SMARCC1: variants seen among roughly 807,000 people sequenced by gnomAD.
SMARCC1 encodes SWI/SNF related BAF chromatin remodeling complex subunit C1, also known as SWI/SNF complex subunit SMARCC1.
A neutral mutation model predicts 147.4 loss-of-function variants in SMARCC1; 43 were observed. The observed-to-expected ratio is 0.29, with a 90% CI of 0.23 to 0.38. SMARCC1 has a LOEUF of 0.38. SMARCC1 is among the 10% of genes least tolerant of loss of function. SMARCC1 has a pLI of 1.00. For missense variants in SMARCC1, 1,119 were observed against 1,381.1 expected (o/e 0.81, Z 3.01); for synonymous variants, 495 against 484.4 (o/e 1.02, Z -0.29).
intron 14 of SMARCC1, among the ~76,000 whole-genome samples, chr3:47,685,556 T>TAAA (rs34711590): frequency 1.4e-5 from 2 of 139,418 alleles, no homozygotes; most frequent in Non-Finnish European, 3.1e-5. Flanking sequence ...TGTTTTTCTT[T>TAAA]AAAAAAAAAA....
At chr3:47,676,260 A>G (rs1399496131) in intron 17 of SMARCC1, among the ~76,000 whole-genome samples, 2 of 152,202 alleles carry the variant, frequency 1.3e-5, no homozygotes, top group Admixed American at 6.5e-5. Context: ...AGTTATAAAG[A>G]TTTCTTTGCT....
chr3:47,661,155 T>G, intron 21 of SMARCC1, 139 bp downstream of exon 21: 1 of 615,622 alleles, frequency 1.6e-6, no homozygotes, highest in Non-Finnish European at 2.6e-6. Context: ...AGAAAAAAAA[T>G]CATGTACTAA....
intron 16 of SMARCC1, among the ~76,000 whole-genome samples, chr3:47,677,544 ATATTT>A (rs772348104): frequency 6.6e-6 from 1 of 151,078 alleles, no homozygotes; most frequent in East Asian, 1.9e-4. Context: ...GCTAAATTAA[ATATTT>A]TATTTTGTGT....
At position 47,720,690 on chromosome 3, in the gene SMARCC1, A is replaced by G. The variant is rs1159528071; in HGVS notation, c.692T>C (p.Val231Ala). 6.2e-7 allele frequency: 1 copy of G among 1,612,818 alleles called. No individual in the cohort carries two copies. The highest frequency in any genetic ancestry group is 8.5e-7 in the Non-Finnish European group (1 of 1,178,906). Residue 231 changes from valine to alanine, a missense_variant, in exon 7 of 28, where the codon GTG (valine) becomes GCG (alanine). Physicochemically the swap from Val to Ala is moderately conservative, Grantham distance 64 (BLOSUM62 0). Around this residue, in one of 6 missense-constraint regions of SMARCC1, gnomAD observed 542 missense variants for 611.8 expected, o/e 0.89. Coordinates refer to ENST00000254480, the MANE Select transcript of SMARCC1 (RefSeq NM_003074.4). Reference protein sequence around the residue: ...PVMRKEKQVLVHWGFYPDSYD... With the variant: ...PVMRKEKQVLAHWGFYPDSYD... ...CCTGTCTGGGTAAAAGCCCCAATGC[A>G]CTAACACTTGCTTCTCTTTTCTCAT...
chr3:47,769,874 C>T lies in SMARCC1; in HGVS notation c.315+2943G>A, dbSNP rs548267691. On this transcript the variant is annotated intron_variant, in intron 2 of 27. Coordinates refer to ENST00000254480, the MANE Select transcript of SMARCC1 (RefSeq NM_003074.4). ...AAGGAAAAACAGAAAAATGGATCTG[C>T]CATTTCCCACACTAACTACCAGGGC... Among the ~76,000 whole-genome samples, 12 of 152,284 alleles carry T rather than the reference C, an allele frequency of 7.9e-5. No homozygotes were observed. In the South Asian group the frequency reaches 2.5e-3, roughly 32 times the overall value.
chr3:47,714,376 A>C, intron 8 of SMARCC1, 39 bp downstream of exon 8: 2 of 1,300,580 alleles, frequency 1.5e-6, no homozygotes, highest in East Asian at 2.3e-5. Context: ...AAAAATTTTA[A>C]AAAGATTATT....
chr3:47,682,196 G>A (rs1312722022), intron 14 of SMARCC1, among the ~76,000 whole-genome samples: 2 of 151,158 alleles, frequency 1.3e-5, no homozygotes, highest in African/African-American at 4.9e-5. Flanking sequence ...TCGGGAGGCT[G>A]AGACGGGAGA....
intron 17 of SMARCC1, 27 bp from the exon 18 acceptor site, chr3:47,675,615 G>A: frequency 8.2e-7 from 1 of 1,221,462 alleles, no homozygotes; most frequent in Non-Finnish European, 1.2e-6. Context: ...ATAAATGGCT[G>A]AGTTAGCCTC....
chr3:47,592,415 A>C (rs1368266049), intron 26 of SMARCC1, among the ~76,000 whole-genome samples: 1 of 152,210 alleles, frequency 6.6e-6, no homozygotes, highest in East Asian at 1.9e-4. Flanking sequence ...TGAGACATAA[A>C]ACATTATTCT....
chr3:47,775,770 G>A (rs1292501124), intron 1 of SMARCC1, among the ~76,000 whole-genome samples: 6 of 151,586 alleles, frequency 4.0e-5, no homozygotes, highest in African/African-American at 1.5e-4. Context: ...CTCCAGCCTG[G>A]GTGACAGAGC....
chr3:47,701,644 T>C (rs1484133407), intron 10 of SMARCC1: 2 of 409,026 alleles, frequency 4.9e-6, no homozygotes, highest in South Asian at 5.3e-5. Context: ...CGAATCCCCG[T>C]CTCTACTGAA....
chr3:47,714,788 T>C (rs900982283), intron 7 of SMARCC1, among the ~76,000 whole-genome samples: 24 of 152,080 alleles, frequency 1.6e-4, no homozygotes, highest in Non-Finnish European at 1.5e-5. Context: ...AGTGATACCC[T>C]ATCTCGAAAC....
intron 25 of SMARCC1, among the ~76,000 whole-genome samples, chr3:47,618,460 T>A (rs1034577233): frequency 4.0e-5 from 6 of 151,622 alleles, no homozygotes; most frequent in African/African-American, 1.5e-4. Flanking sequence ...GGAGGGAGGA[T>A]CACTTGAGCC....
intron 9 of SMARCC1, among the ~76,000 whole-genome samples, chr3:47,708,080 T>TTTC (rs2034032625): frequency 1.1e-5 from 1 of 91,888 alleles, no homozygotes. Flanking sequence ...TTGAATTTTT[T>TTTC]TTCTTTTTTT....
intron 12 of SMARCC1, among the ~76,000 whole-genome samples, chr3:47,691,370 C>G (rs1419252381): frequency 6.6e-6 from 1 of 151,718 alleles, no homozygotes; most frequent in Non-Finnish European, 1.5e-5. Context: ...TCCCAGCACT[C>G]TGGGAGGCCG....
intron 11 of SMARCC1, among the ~76,000 whole-genome samples, chr3:47,696,335 C>T (rs985430127): frequency 5.3e-5 from 8 of 151,920 alleles, no homozygotes; most frequent in Admixed American, 3.9e-4. Flanking sequence ...GATTGCACCA[C>T]TGCACTCCAA....
chr3:47,603,143 C>T (rs1422209565), intron 26 of SMARCC1, among the ~76,000 whole-genome samples: 3 of 151,512 alleles, frequency 2.0e-5, no homozygotes, highest in Non-Finnish European at 2.9e-5. Flanking sequence ...GAGATCCCGC[C>T]GGGTGCAGTG....
intron 5 of SMARCC1, among the ~76,000 whole-genome samples, chr3:47,731,717 A>G (rs2034376279): frequency 6.6e-6 from 1 of 152,254 alleles, no homozygotes; most frequent in South Asian, 2.1e-4. Flanking sequence ...AATGAGCAGT[A>G]ATATTTCAAA....
At position 47,678,234 on chromosome 3, in the gene SMARCC1, C is replaced by G; in HGVS notation, c.1535G>C (p.Arg512Pro). The G allele has an allele frequency of 6.2e-7, 1 of 1,608,694 alleles. No homozygotes were observed. Among genetic ancestry groups the G allele is most frequent in the Non-Finnish European group, 8.5e-7 (1 of 1,177,484 alleles). The change falls in exon 16 of 28, where the codon CGG (arginine) becomes CCG (proline). Residue 512 changes from arginine (R) to proline (P), a missense_variant. Transcript: ENST00000254480. ...ACACACATCTCCAGTCAAGTTCCTC[C>G]GACAAGCAGTGCTAGTTAAATACTC... Reference protein sequence around the residue: ...PQEYLTSTACRRNLTGDVCAV... With the variant: ...PQEYLTSTACPRNLTGDVCAV...
Sources: allele counts gnomAD v4.1 joint callset (sites outside exome capture counted in the v4.1 genomes callset), GRCh38; gene constraint gnomAD v4.1.1; regional missense constraint gnomAD v4.1.1; transcripts MANE v1.5; gene names NCBI Gene and HGNC (gene_info 2026-07-23, HGNC 2026-07-21).